The following QSER1 variants were observed in gnomAD, a reference collection of about 807,000 sequenced individuals.
The protein encoded by QSER1 is glutamine and serine-rich protein 1.
A neutral mutation model predicts 158.5 loss-of-function variants in QSER1; 49 were observed. The observed-to-expected ratio is 0.31, with a 90% CI of 0.25 to 0.39. The LOEUF (loss-of-function observed/expected upper bound fraction) is 0.39. QSER1 is among the 10% of genes least tolerant of loss of function. The pLI, the probability that QSER1 is intolerant of heterozygous loss-of-function variation, is 1.00. For synonymous variants in QSER1, 650 were observed against 715.5 expected (o/e 0.91, Z 1.46); for missense variants, 1,754 against 2,010.3 (o/e 0.87, Z 2.44).
chr11:32,963,305 AT>A (rs140874868), intron 8 of QSER1, among the ~76,000 whole-genome samples: 8,627 of 151,590 alleles, frequency 0.057, 455 homozygotes, highest in African/African-American at 0.13. Context: ...ACAGGCGCTA[AT>A]TTTTTTGTAT....
chr11:32,925,064 C>T (rs1851950372), intron 1 of QSER1, among the ~76,000 whole-genome samples: 1 of 152,142 alleles, frequency 6.6e-6, no homozygotes, highest in Non-Finnish European at 1.5e-5. Context: ...TGATTTTGTT[C>T]TTTTTAATGG....
chr11:32,935,208 G>A lies in QSER1; in HGVS notation c.3950G>A (p.Cys1317Tyr). The change falls in exon 4 of 13, where the codon TGT becomes TAT. Residue 1317 changes from cysteine (C) to tyrosine (Y), a missense_variant. Transcript: ENST00000650167. ...RPGTQMVRTF[C>Y]PPPLPKPSST... is the part of the protein sequence containing the mutation. ...GGGACCCAGATGGTTCGTACATTTT[G>A]TCCCCCACCACTTCCCAAGCCTTCA... The A allele has an allele frequency of 1.2e-6, 2 of 1,613,884 alleles. No homozygotes were observed. Among genetic ancestry groups the A allele is most frequent in the South Asian group, 1.1e-5 (1 of 91,060 alleles).
In QSER1 at chr11:32,897,254, A is replaced by G. The variant is rs149563212; in HGVS notation, c.209+3920A>G. 1.6e-4 allele frequency among the ~76,000 whole-genome samples: 24 copies of G among 152,358 alleles called. No individual in the cohort carries two copies. In the East Asian group the frequency reaches 3.9e-3, roughly 24 times the overall value. ...TGAAGTAATTTATACCTACAGCTAC[A>G]TAGCTAGTAAATAGTGGTGCTGTGA... On this transcript the variant is annotated intron_variant, in intron 1 of 12. Transcript: ENST00000650167.
intron 1 of QSER1, among the ~76,000 whole-genome samples, chr11:32,913,416 A>G (rs1355801780): frequency 2.0e-5 from 3 of 151,760 alleles, no homozygotes; most frequent in African/African-American, 7.3e-5. Flanking sequence ...GATGGTCTCG[A>G]TCTCTTGACC....
intron 9 of QSER1, among the ~76,000 whole-genome samples, chr11:32,967,332 G>C (rs1007532456): frequency 2.0e-5 from 3 of 151,968 alleles, no homozygotes; most frequent in African/African-American, 7.3e-5. Context: ...AAGGGGAGAG[G>C]GTGAGAAAGG....
At chr11:32,971,015 C>T (rs547061840) in intron 10 of QSER1, among the ~76,000 whole-genome samples, 23 of 128,358 alleles carry the variant, frequency 1.8e-4, no homozygotes, top group Non-Finnish European at 2.8e-4. Context: ...TGCAGTGGCG[C>T]GATCTCCGCC....
At position 32,893,672 on chromosome 11, in the gene QSER1, G is replaced by C. The variant is rs539775954; in HGVS notation, c.209+338G>C. Among the ~76,000 whole-genome samples the C allele has an allele frequency of 6.6e-6, 1 of 152,338 alleles. No individual in the cohort carries two copies. ...TCTGTGAGACCCAGGATTGGCGCCG[G>C]GGGTCCGAAGGGGGCGCCGGAGAGT... On this transcript the variant is annotated intron_variant, in intron 1 of 12. Coordinates refer to ENST00000650167, the MANE Select transcript of QSER1 (RefSeq NM_001076786.3). This position sits in a 1 kb window ranked among gnomAD's most constrained non-coding sequence, Gnocchi z 4.7.
rs1851501002 is a variant in QSER1, at chr11:32,892,974, C to T, written c.-152C>T. Reference sequence around the variant, plus strand: ...CCCAGACTCGCCAGCGCGCCCTTCTCCCGCCTGCTCGCCGGGGCCATGTGA... The same window carrying T: ...CCCAGACTCGCCAGCGCGCCCTTCTTCCGCCTGCTCGCCGGGGCCATGTGA... On this transcript the variant is annotated 5_prime_UTR_variant, in exon 1 of 13. Coordinates refer to ENST00000650167, the MANE Select transcript of QSER1 (RefSeq NM_001076786.3). Among the ~76,000 whole-genome samples the T allele has an allele frequency of 6.8e-6, 1 of 147,704 alleles. No homozygotes were observed. Among genetic ancestry groups the T allele is most frequent in the South Asian group, 2.1e-4 (1 of 4,778 alleles).
intron 9 of QSER1, among the ~76,000 whole-genome samples, chr11:32,967,206 T>C (rs917818721): frequency 1.3e-5 from 2 of 152,188 alleles, no homozygotes; most frequent in African/African-American, 4.8e-5. Flanking sequence ...AGGTCATTAT[T>C]CTAACTGAAG....
At position 32,961,944 on chromosome 11, in the gene QSER1, C is replaced by T. The variant is rs189905426; in HGVS notation, c.4969+3858C>T. On this transcript the variant is annotated intron_variant, in intron 8 of 12. Transcript: ENST00000650167. ...CTAACTGAATAATTGGTGTAATGAA[C>T]ATTGGCATACAAGTATCTAAGTTCC... Among the ~76,000 whole-genome samples, 228 of 152,266 alleles carry T rather than the reference C, an allele frequency of 1.5e-3. 1 individual carries two copies. The highest frequency in any genetic ancestry group is 5.2e-3 in the Admixed American group (79 of 15,296).
At position 32,935,024 on chromosome 11, in the gene QSER1, C is replaced by T. The variant is rs1395884740; in HGVS notation, c.3766C>T (p.His1256Tyr). 1 of 1,614,006 alleles carries T rather than the reference C, an allele frequency of 6.2e-7. No homozygotes were observed. The highest frequency in any genetic ancestry group is 8.5e-7 in the Non-Finnish European group (1 of 1,179,958). Residue 1256 changes from histidine (H) to tyrosine (Y), a missense_variant, in exon 4 of 13, where the codon CAT (histidine) becomes TAT (tyrosine). Physicochemically the swap from His to Tyr is moderately conservative, Grantham distance 83. Around this residue, in one of 2 missense-constraint regions of QSER1, gnomAD observed 1,707 missense variants for 1,919.6 expected, o/e 0.89. Transcript: ENST00000650167. ...SSESCHDGYQHQEKMRQKIKE... is the reference protein window; with the variant it reads ...SSESCHDGYQYQEKMRQKIKE... ...AGAAAGCTGCCATGATGGTTATCAG[C>T]ATCAAGAAAAAATGAGACAGAAGAT...
intron 1 of QSER1, 180 bp from the exon 2 acceptor site, chr11:32,926,977 G>A (rs980110235): frequency 6.6e-6 from 1 of 152,292 alleles, no homozygotes; most frequent in Non-Finnish European, 1.5e-5. Context: ...TCTTACTAAT[G>A]CATCTTAAAT....
In QSER1 at chr11:32,932,647, C is replaced by T; in HGVS notation, c.1389C>T (p.Ser463=). The change falls in exon 4 of 13, where the codon AGC becomes AGT. Residue 463 remains serine (S), a synonymous_variant. Transcript: ENST00000650167. ...AQIYSTAQLP[S]LLSVSQSQNY... is the part of the protein sequence containing the mutation. ...TTTATTCTACAGCGCAGCTACCAAGCCTTTTATCAGTTAGTCAGTCCCAAA... is the reference window on the plus strand; with the variant it reads ...TTTATTCTACAGCGCAGCTACCAAGTCTTTTATCAGTTAGTCAGTCCCAAA... 1 of 1,614,108 alleles carries T rather than the reference C, an allele frequency of 6.2e-7. No homozygotes were observed.
chr11:32,966,373 C>T lies in QSER1; in HGVS notation c.5043C>T (p.Tyr1681=). 1.2e-6 allele frequency: 2 copies of T among 1,614,054 alleles called. No individual in the cohort carries two copies. Among genetic ancestry groups the T allele is most frequent in the South Asian group, 1.1e-5 (1 of 91,082 alleles). Residue 1681 remains tyrosine (Y), a synonymous_variant, in exon 9 of 13, where the codon TAC becomes TAT. Transcript: ENST00000650167. ...CAATGAAGGAAACCTTTAAGAGCTA[C>T]ATGGAATTGCTTGTTAGCATTGCCT... The part of the protein sequence containing the change: ...TRAMKETFKS[Y]MELLVSIALD...
At chr11:32,902,499 A>T (rs1221118338) in intron 1 of QSER1, among the ~76,000 whole-genome samples, 2 of 152,184 alleles carry the variant, frequency 1.3e-5, no homozygotes, top group Non-Finnish European at 2.9e-5. Flanking sequence ...TGACATTCTT[A>T]TCTCCTTAAA....
intron 4 of QSER1, among the ~76,000 whole-genome samples, chr11:32,943,159 T>C (rs1031998183): frequency 9.9e-5 from 15 of 152,260 alleles, no homozygotes; most frequent in South Asian, 4.2e-4. Flanking sequence ...TTTCTAGATA[T>C]ACAATCATGT....
Position 32,893,863 on chromosome 11 carries a change from G to A in QSER1, c.209+529G>A, listed in dbSNP as rs756149854. On this transcript the variant is annotated intron_variant, in intron 1 of 12. Coordinates refer to ENST00000650167, the MANE Select transcript of QSER1 (RefSeq NM_001076786.3). This position sits in a 1 kb window ranked among gnomAD's most constrained non-coding sequence, Gnocchi z 4.7. ...GCTGGGCTACGGGAGAATCCCCGGG[G>A]CGCAGGGCAGAAGAGGGGGCCCGGC... Among the ~76,000 whole-genome samples the A allele has an allele frequency of 3.3e-5, 5 of 152,226 alleles. No homozygotes were observed. The highest frequency in any genetic ancestry group is 1.5e-5 in the Non-Finnish European group (1 of 68,042).
intron 7 of QSER1, among the ~76,000 whole-genome samples, chr11:32,957,298 C>T (rs1852536436): frequency 6.6e-6 from 1 of 151,692 alleles, no homozygotes; most frequent in Non-Finnish European, 1.5e-5. Flanking sequence ...CCCGCCACCA[C>T]TCCCAGCTGG....
chr11:32,952,832 A>C (rs1170287292), intron 4 of QSER1, among the ~76,000 whole-genome samples: 2 of 134,270 alleles, frequency 1.5e-5, no homozygotes, highest in Admixed American at 1.6e-4. Flanking sequence ...CTTGAGACAG[A>C]GTCTCTTTTG....
Sources: gnomAD v4.1 joint callset for allele counts (sites outside exome capture counted in the v4.1 genomes callset) on GRCh38, gnomAD v4.1.1 for gene constraint, gnomAD v4.1.1 regional missense constraint, Gnocchi (gnomAD v3.1) non-coding constraint, MANE v1.5 for transcripts, NCBI Gene and HGNC (gene_info 2026-07-23, HGNC 2026-07-21) for gene names.